The following ITCH variants were observed in gnomAD, a reference collection of about 807,000 sequenced individuals.
The protein encoded by ITCH is itchy E3 ubiquitin protein ligase, also known as E3 ubiquitin-protein ligase Itchy homolog.
In ITCH, 28 loss-of-function variants were observed where a neutral mutation model predicts 126.8. That is an observed-to-expected ratio of 0.22 (90% CI 0.16 to 0.30). The LOEUF (loss-of-function observed/expected upper bound fraction) is 0.30, where lower values mean the gene tolerates loss of function less well. Ranked by LOEUF, ITCH falls within the 10% of genes least tolerant of loss-of-function variation. The pLI, the probability that ITCH is intolerant of heterozygous loss-of-function variation, is 1.00. For missense variants in ITCH, 631 were observed against 1,032.4 expected (o/e 0.61, Z 5.33); for synonymous variants, 342 against 340.0 (o/e 1.01, Z -0.06).
chr20:34,450,007 A>G (rs1260176696), intron 12 of ITCH, among the ~76,000 whole-genome samples: 1 of 152,226 alleles, frequency 6.6e-6, no homozygotes, highest in Non-Finnish European at 1.5e-5. Context: ...TGATTCCATC[A>G]AGATCCACAA....
In ITCH at chr20:34,395,643, C is replaced by G. The variant is rs567598000; in HGVS notation, c.70+1762C>G. 3.9e-5 allele frequency among the ~76,000 whole-genome samples: 6 copies of G among 152,314 alleles called. No homozygotes were observed. The East Asian group carries it at 1.2e-3, about 29-fold the overall frequency. ...CATCCATCCACAAACCCAGGCAACT[C>G]CTGATCTTTCTGTCTCTAGATTTGC... On this transcript the variant is annotated intron_variant, in intron 3 of 24. Coordinates refer to ENST00000374864, the MANE Select transcript of ITCH (RefSeq NM_031483.7).
At chr20:34,476,476 G>C in intron 16 of ITCH, 3 of 1,213,194 alleles carry the variant, frequency 2.5e-6, no homozygotes, top group Non-Finnish European at 3.1e-6. Flanking sequence ...GGCAGCCATC[G>C]CCCGCGGTCG....
Position 34,487,196 on chromosome 20 carries a change from T to C in ITCH, c.2094-2070T>C, listed in dbSNP as rs1050997899. 1.3e-4 allele frequency among the ~76,000 whole-genome samples: 20 copies of C among 151,378 alleles called. No individual in the cohort carries two copies. The East Asian group carries it at 3.9e-3, about 30-fold the overall frequency. On this transcript the variant is annotated intron_variant, in intron 20 of 24. Transcript: ENST00000374864. ...CTGGCTAATTTTTTTGTATTTTTAG[T>C]AGAGACAGGGTTTCACCGTGTTAGC...
intron 17 of ITCH, among the ~76,000 whole-genome samples, chr20:34,478,223 C>T (rs1013648520): frequency 6.6e-6 from 1 of 152,168 alleles, no homozygotes; most frequent in Non-Finnish European, 1.5e-5. Flanking sequence ...AGTCTACCAC[C>T]TCTTATATCT....
intron 12 of ITCH, 123 bp downstream of exon 12, chr20:34,449,603 A>G (rs7266300): frequency 2.8e-6 from 2 of 704,244 alleles, no homozygotes; most frequent in Non-Finnish European, 4.9e-6. Flanking sequence ...ATGTCTGGGA[A>G]GTTTTTTTTT....
At chr20:34,422,920 G>T (rs1443043044) in intron 6 of ITCH, among the ~76,000 whole-genome samples, 1 of 151,850 alleles carries the variant, frequency 6.6e-6, no homozygotes, top group Non-Finnish European at 1.5e-5. Context: ...TCAGACTCCT[G>T]AGTGGTTGGG....
intron 2 of ITCH, among the ~76,000 whole-genome samples, chr20:34,377,927 G>A (rs1370077582): frequency 6.6e-6 from 1 of 151,352 alleles, no homozygotes; most frequent in East Asian, 1.9e-4. Flanking sequence ...AATGTAGAAA[G>A]GTAGAATATG....
At chr20:34,379,488 A>G (rs982737748) in intron 2 of ITCH, among the ~76,000 whole-genome samples, 2 of 151,194 alleles carry the variant, frequency 1.3e-5, no homozygotes, top group East Asian at 1.9e-4. Flanking sequence ...ATAATTATCC[A>G]TTTCACCTCC....
chr20:34,388,453 C>G (rs1015799781), intron 2 of ITCH, among the ~76,000 whole-genome samples: 2 of 151,956 alleles, frequency 1.3e-5, no homozygotes, highest in African/African-American at 4.8e-5. Flanking sequence ...GGCCTTATCA[C>G]AGCTCACTGC....
chr20:34,426,740 CATGCCTGGCCG>C (rs1392563898), intron 7 of ITCH, among the ~76,000 whole-genome samples: 1 of 149,152 alleles, frequency 6.7e-6, no homozygotes, highest in Non-Finnish European at 1.5e-5. Context: ...CATAAGCTGC[CATGCCTGGCCG>C]ATAGATATAT....
At chr20:34,503,885 G>GTTTTTTTTTTTTTTTTTTTT (rs11167236) in intron 23 of ITCH, among the ~76,000 whole-genome samples, 1 of 109,632 alleles carries the variant, frequency 9.1e-6, no homozygotes, top group Non-Finnish European at 1.8e-5. Flanking sequence ...TTTTTTTTTG[G>GTTTTTTTTTTTTTTTTTTTT]TTTTTTTTTT....
chr20:34,465,116 A>T (rs1986927850), intron 14 of ITCH, among the ~76,000 whole-genome samples: 1 of 152,184 alleles, frequency 6.6e-6, no homozygotes, highest in African/African-American at 2.4e-5. Context: ...TTTGAATGTG[A>T]ATGTCCAATT....
chr20:34,409,159 A>T (rs1387969732), intron 4 of ITCH, among the ~76,000 whole-genome samples: 1 of 97,228 alleles, frequency 1.0e-5, no homozygotes, highest in African/African-American at 4.2e-5. Context: ...CCCGGTTTTT[A>T]ACTTAATTTT....
chr20:34,378,037 T>A (rs2037911594), intron 2 of ITCH, among the ~76,000 whole-genome samples: 1 of 152,022 alleles, frequency 6.6e-6, no homozygotes, highest in Admixed American at 6.6e-5. Flanking sequence ...TTTTTTTTTT[T>A]AACATACCTG....
intron 20 of ITCH, among the ~76,000 whole-genome samples, chr20:34,484,915 G>T (rs1989002251): frequency 6.6e-6 from 1 of 151,950 alleles, no homozygotes; most frequent in South Asian, 2.1e-4. Context: ...TTCTATTCTG[G>T]ACCCCATAAG....
At chr20:34,426,449 G>GT (rs1425091952) in intron 7 of ITCH, among the ~76,000 whole-genome samples, 7 of 150,248 alleles carry the variant, frequency 4.7e-5, no homozygotes, top group Admixed American at 2.0e-4. Flanking sequence ...TTTTTGTTTT[G>GT]TTTTTTTGTT....
chr20:34,503,023 ATATT>A (rs1371988774), intron 23 of ITCH, among the ~76,000 whole-genome samples: 2 of 152,170 alleles, frequency 1.3e-5, no homozygotes, highest in Admixed American at 6.5e-5. Context: ...AAAAATATAT[ATATT>A]GAGTAGAGAG....
intron 6 of ITCH, among the ~76,000 whole-genome samples, chr20:34,415,176 T>G (rs747281099): frequency 6.6e-6 from 1 of 152,202 alleles, no homozygotes; most frequent in Non-Finnish European, 1.5e-5. Context: ...GGAACTGCAT[T>G]ATGAAACATT....
chr20:34,364,737 A>G (rs1324618739), intron 1 of ITCH, among the ~76,000 whole-genome samples: 1 of 146,088 alleles, frequency 6.8e-6, no homozygotes, highest in African/African-American at 2.5e-5. Flanking sequence ...AAAAAAAAAA[A>G]AAAAAATCCT....
Sources: allele counts gnomAD v4.1 joint callset (sites outside exome capture counted in the v4.1 genomes callset), GRCh38; gene constraint gnomAD v4.1.1; transcripts MANE v1.5; gene names NCBI Gene and HGNC (gene_info 2026-07-23, HGNC 2026-07-21).